Variants in NFATC3 observed in about 807,000 individuals in gnomAD.
The protein encoded by NFATC3 is nuclear factor of activated T cells 3.
A neutral mutation model predicts 98.6 loss-of-function variants in NFATC3; 46 were observed. That is an observed-to-expected ratio of 0.47 (90% CI 0.37 to 0.60). NFATC3 has a LOEUF of 0.60. Ranked by LOEUF, NFATC3 falls within the 20% of genes least tolerant of loss-of-function variation. The pLI, the probability that NFATC3 is intolerant of heterozygous loss-of-function variation, is 0.00. For missense variants in NFATC3, 1,256 were observed against 1,295.5 expected (o/e 0.97, Z 0.47); for synonymous variants, 512 against 472.2 (o/e 1.08, Z -1.09).
At chr16:68,156,945 AG>A (rs2038650405) in intron 3 of NFATC3, among the ~76,000 whole-genome samples, 1 of 152,150 alleles carries the variant, frequency 6.6e-6, no homozygotes, top group Non-Finnish European at 1.5e-5. Flanking sequence ...TCTCAAAAAA[AG>A]GCAAAACAAA....
intron 9 of NFATC3, among the ~76,000 whole-genome samples, chr16:68,196,894 G>C (rs1012947935): frequency 6.6e-6 from 1 of 151,958 alleles, no homozygotes; most frequent in Non-Finnish European, 1.5e-5. Context: ...GCCTGGTGTG[G>C]TGGCGCATCC....
intron 3 of NFATC3, among the ~76,000 whole-genome samples, chr16:68,153,252 C>T (rs558091991): frequency 1.3e-5 from 2 of 152,212 alleles, no homozygotes; most frequent in East Asian, 3.9e-4. Context: ...GAAACCCCGT[C>T]TCTACTAAAA....
chr16:68,122,784 C>T lies in NFATC3; in HGVS notation c.901C>T (p.Pro301Ser), dbSNP rs771396124. The change falls in exon 2 of 10, where the codon CCC (proline) becomes TCC (serine). Residue 301 changes from proline to serine, a missense_variant. By Grantham distance (74) the Pro-to-Ser change is moderately conservative. Transcript: ENST00000346183. The stretch of plus-strand genomic sequence containing the variant: ...ACCTGTTCCTTCACCTGGTCACTCC[C>T]CCAGGGGAAGTGTGACAGAAGATAC... ...HSPVPSPGHS[P>S]RGSVTEDTWL... 1.3e-5 allele frequency: 21 copies of T among 1,614,242 alleles called. No individual in the cohort carries two copies. Among genetic ancestry groups the T allele is most frequent in the Non-Finnish European group, 1.5e-5 (18 of 1,180,046 alleles).
At chr16:68,124,501 C>T (rs764203485) in intron 2 of NFATC3, among the ~76,000 whole-genome samples, 29 of 150,736 alleles carry the variant, frequency 1.9e-4, no homozygotes, top group Non-Finnish European at 3.5e-4. Context: ...GGCGCGATCT[C>T]GGCTTACTGC....
rs373687664 is a variant in NFATC3, at chr16:68,191,407, T to C, written c.2738T>C (p.Ile913Thr). 35 of 1,614,034 alleles carry C rather than the reference T, an allele frequency of 2.2e-5. No homozygotes were observed. The highest frequency in any genetic ancestry group is 2.9e-5 in the Non-Finnish European group (34 of 1,180,014). ...CAGCCTTCGTCTCAGTTACAACCTA[T>C]TACATATGGTCCTTCACATTCAGGG... The part of the protein sequence containing the change: ...TGQPSSQLQP[I>T]TYGPSHSGSA... The change falls in exon 9 of 10, where the codon ATT (isoleucine) becomes ACT (threonine). Residue 913 changes from isoleucine (I) to threonine (T), a missense_variant. This residue lies in a region of NFATC3 where 636 missense variants were observed against 617.3 expected (regional missense o/e 1.03). Coordinates refer to ENST00000346183, the MANE Select transcript of NFATC3 (RefSeq NM_173165.3).
In NFATC3 at chr16:68,119,752, A is replaced by G. The variant is rs114788976; in HGVS notation, c.104-2235A>G. 3.0e-3 allele frequency among the ~76,000 whole-genome samples: 450 copies of G among 152,276 alleles called. 3 individuals are homozygous for G. Among genetic ancestry groups the G allele is most frequent in the African/African-American group, 0.01 (433 of 41,570 alleles). On this transcript the variant is annotated intron_variant, in intron 1 of 9. Coordinates refer to ENST00000346183, the MANE Select transcript of NFATC3 (RefSeq NM_173165.3). ...CCCGTTTTATTTTCTCTTACAGCAA[A>G]TATCACTACCTGACATATTTTACTA...
chr16:68,183,698 C>A (rs2040041318), intron 8 of NFATC3, among the ~76,000 whole-genome samples: 1 of 152,076 alleles, frequency 6.6e-6, no homozygotes, highest in Admixed American at 6.6e-5. Flanking sequence ...TCCTTGTACC[C>A]TTAGCACCAT....
intron 1 of NFATC3, chr16:68,086,058 G>A: frequency 5.2e-6 from 2 of 381,582 alleles, no homozygotes; most frequent in East Asian, 4.4e-5. Context: ...GGTCCGGGCT[G>A]CTGCCCAAGT....
intron 3 of NFATC3, among the ~76,000 whole-genome samples, chr16:68,137,807 G>A (rs2037514711): frequency 6.6e-6 from 1 of 151,810 alleles, no homozygotes; most frequent in East Asian, 1.9e-4. Context: ...TAGTAGAGAT[G>A]GGGTTTCACC....
intron 9 of NFATC3, among the ~76,000 whole-genome samples, chr16:68,213,607 A>T (rs1207465184): frequency 6.6e-6 from 1 of 152,112 alleles, no homozygotes; most frequent in East Asian, 1.9e-4. Flanking sequence ...GCGGGCGGAT[A>T]ACCTGAGGCC....
intron 1 of NFATC3, 126 bp from the exon 2 acceptor site, chr16:68,121,861 A>C: frequency 8.7e-7 from 1 of 1,153,522 alleles, no homozygotes. Flanking sequence ...AATGACATAC[A>C]TTTTATATCC....
intron 9 of NFATC3, among the ~76,000 whole-genome samples, chr16:68,207,425 T>C (rs540455718): frequency 6.6e-6 from 1 of 152,286 alleles, no homozygotes; most frequent in African/African-American, 2.4e-5. Context: ...TTTTGTGTGT[T>C]TACGTAAGAG....
intron 9 of NFATC3, among the ~76,000 whole-genome samples, chr16:68,219,278 G>T (rs2041762754): frequency 1.3e-5 from 2 of 152,132 alleles, no homozygotes; most frequent in Non-Finnish European, 2.9e-5. Context: ...AGCTACTTGG[G>T]AGGCTGGGGC....
At chr16:68,212,782 TCTC>T (rs1203161454) in intron 9 of NFATC3, 1 of 144,832 alleles carries the variant, frequency 6.9e-6, no homozygotes, top group Non-Finnish European at 1.5e-5. Context: ...TCTATTTCTT[TCTC>T]TTTTTTTTTT....
At chr16:68,204,954 GT>G (rs1315084475) in intron 9 of NFATC3, among the ~76,000 whole-genome samples, 2 of 148,160 alleles carry the variant, frequency 1.3e-5, no homozygotes, top group Non-Finnish European at 3.0e-5. Flanking sequence ...TTAGATAAAT[GT>G]GTTCAAACAG....
chr16:68,193,212 G>C (rs2040519628), intron 9 of NFATC3, among the ~76,000 whole-genome samples: 1 of 152,106 alleles, frequency 6.6e-6, no homozygotes, highest in Non-Finnish European at 1.5e-5. Context: ...GATAGATTAT[G>C]TGCAAATAGT....
intron 3 of NFATC3, among the ~76,000 whole-genome samples, chr16:68,155,501 A>G (rs1287030968): frequency 1.3e-5 from 2 of 152,226 alleles, no homozygotes; most frequent in Admixed American, 6.5e-5. Flanking sequence ...AGATTAAAAA[A>G]TTATCAGCCA....
intron 3 of NFATC3, among the ~76,000 whole-genome samples, chr16:68,151,143 A>G (rs1485143540): frequency 1.3e-5 from 2 of 152,032 alleles, no homozygotes; most frequent in Non-Finnish European, 2.9e-5. Context: ...CGTTTGAGTC[A>G]AGGAGTTCAA....
At chr16:68,097,927 T>C (rs1485270007) in intron 1 of NFATC3, among the ~76,000 whole-genome samples, 1 of 152,100 alleles carries the variant, frequency 6.6e-6, no homozygotes, top group Non-Finnish European at 1.5e-5. Flanking sequence ...ACTAGAACAT[T>C]TATATAAGTG....
Sources: gnomAD v4.1 joint callset for allele counts (sites outside exome capture counted in the v4.1 genomes callset) on GRCh38, gnomAD v4.1.1 for gene constraint, gnomAD v4.1.1 regional missense constraint, MANE v1.5 for transcripts, NCBI Gene and HGNC (gene_info 2026-07-23, HGNC 2026-07-21) for gene names.